ABCC8: variants seen among roughly 807,000 people sequenced by gnomAD.
The protein encoded by ABCC8 is ATP binding cassette subfamily C member 8.
ABCC8 carries 137 observed loss-of-function variants against 188.0 expected under a neutral mutation model. The ratio of observed to expected loss-of-function variants is 0.73; its 90% confidence interval spans 0.63 to 0.84. The LOEUF (loss-of-function observed/expected upper bound fraction) is 0.84, where lower values mean the gene tolerates loss of function less well. Among genes scored for constraint, ABCC8 ranks in the 40% least tolerant of loss-of-function variants. The pLI is 0.00. For synonymous variants in ABCC8, 797 were observed against 846.5 expected (o/e 0.94, Z 1.01); for missense variants, 1,750 against 2,072.7 (o/e 0.84, Z 3.02).
Position 17,416,636 on chromosome 11 carries a change from C to T in ABCC8, c.2255+294G>A, listed in dbSNP as rs192841196. Among the ~76,000 whole-genome samples, 9 of 152,258 alleles carry T rather than the reference C, an allele frequency of 5.9e-5. No individual in the cohort carries two copies. The East Asian group carries it at 9.7e-4, about 16-fold the overall frequency. On this transcript the variant is annotated intron_variant, in intron 17 of 38. Transcript: ENST00000389817. ...CTCTCTCCCACCAGACCCTGGCAAT[C>T]GCTAGTCTATTTTCTGACTCCATTC... is the stretch of plus-strand genomic sequence containing the variant.
intron 10 of ABCC8, 146 bp from the exon 11 acceptor site, chr11:17,432,390 C>T (rs1347548328): frequency 1.1e-5 from 17 of 1,482,042 alleles, no homozygotes; most frequent in Non-Finnish European, 1.5e-5. Flanking sequence ...AACTCTAGCC[C>T]TGTGGCACTT....
chr11:17,476,612 T>C lies in ABCC8; in HGVS notation c.148+17A>G. On this transcript the variant is annotated intron_variant, in intron 1 of 38. Transcript: ENST00000389817. ...GCTCTCCCGTCCCCTCCTCCGCGGCTCGCTGCGCGCACTCACCAATGAAGA... is the reference window on the plus strand; with the variant it reads ...GCTCTCCCGTCCCCTCCTCCGCGGCCCGCTGCGCGCACTCACCAATGAAGA... 1 of 1,609,362 alleles carries C rather than the reference T, an allele frequency of 6.2e-7. No homozygotes were observed. The highest frequency in any genetic ancestry group is 8.5e-7 in the Non-Finnish European group (1 of 1,178,112).
chr11:17,409,500 A>G (rs1303165367), intron 22 of ABCC8, among the ~76,000 whole-genome samples: 1 of 152,182 alleles, frequency 6.6e-6, no homozygotes, highest in African/African-American at 2.4e-5. Flanking sequence ...GTATCTGTAT[A>G]TATATTTAAA....
chr11:17,442,573 CAG>C, intron 10 of ABCC8, 145 bp downstream of exon 10: 1 of 795,788 alleles, frequency 1.3e-6, no homozygotes, highest in Non-Finnish European at 2.2e-6. Context: ...GCTTAGCTAT[CAG>C]AGCCAGTTTG....
chr11:17,443,630 A>C (rs1956410576), intron 8 of ABCC8, among the ~76,000 whole-genome samples: 1 of 152,172 alleles, frequency 6.6e-6, no homozygotes, highest in African/African-American at 2.4e-5. Context: ...AGATTGCACA[A>C]TGTTTGTGAC....
intron 7 of ABCC8, among the ~76,000 whole-genome samples, chr11:17,450,252 C>CTT (rs1413697829): frequency 2.3e-4 from 12 of 52,430 alleles, no homozygotes; most frequent in African/African-American, 9.4e-4. Flanking sequence ...CTTTTTCTTT[C>CTT]TTTCTTTCTC....
intron 7 of ABCC8, among the ~76,000 whole-genome samples, chr11:17,450,260 C>CTTTCTTTCTTTCTTTCTTTCTT (rs138135816): frequency 1.5e-5 from 1 of 67,664 alleles, no homozygotes; most frequent in African/African-American, 6.9e-5. Context: ...TTCTTTCTTT[C>CTTTCTTTCTTTCTTTCTTTCTT]TCTTTCTTTC....
chr11:17,423,057 CCT>C (rs1955417704), intron 16 of ABCC8, among the ~76,000 whole-genome samples: 1 of 151,966 alleles, frequency 6.6e-6, no homozygotes, highest in Non-Finnish European at 1.5e-5. Flanking sequence ...TCTTCTCTCC[CCT>C]CTCTTAAAAG....
At chr11:17,441,125 T>C (rs888663517) in intron 10 of ABCC8, among the ~76,000 whole-genome samples, 7 of 152,136 alleles carry the variant, frequency 4.6e-5, no homozygotes, top group African/African-American at 1.7e-4. Context: ...TAGCCTCTCT[T>C]AATTTCCTAC....
intron 2 of ABCC8, 35 bp downstream of exon 2, chr11:17,474,851 G>A (rs1848668612): frequency 6.2e-7 from 1 of 1,607,504 alleles, no homozygotes; most frequent in South Asian, 1.1e-5. Context: ...CCCTGGAGCA[G>A]ATTCACTTTC....
At chr11:17,440,654 A>C (rs1956278412) in intron 10 of ABCC8, among the ~76,000 whole-genome samples, 1 of 152,262 alleles carries the variant, frequency 6.6e-6, no homozygotes, top group Non-Finnish European at 1.5e-5. Flanking sequence ...GACTTTCTGC[A>C]TAAAACGCCA....
Position 17,411,052 on chromosome 11 carries a change from C to T in ABCC8, c.2557-399G>A, listed in dbSNP as rs1301057457. Among the ~76,000 whole-genome samples, 5 of 152,230 alleles carry T rather than the reference C, an allele frequency of 3.3e-5. No homozygotes were observed. The East Asian group carries it at 9.6e-4, about 29-fold the overall frequency. On this transcript the variant is annotated intron_variant, in intron 21 of 38. Transcript: ENST00000389817. Reference sequence around the variant, plus strand: ...CCAGGAAGCCTGCCGTCTGGGCCTTCTCCTGAGCTGTTCCTCTGCCTGGAG... The same window carrying T: ...CCAGGAAGCCTGCCGTCTGGGCCTTTTCCTGAGCTGTTCCTCTGCCTGGAG...
intron 1 of ABCC8, among the ~76,000 whole-genome samples, chr11:17,475,585 TG>T (rs1442763742): frequency 2.0e-5 from 3 of 152,224 alleles, no homozygotes; most frequent in Non-Finnish European, 4.4e-5. Context: ...ATAAACCGTT[TG>T]GCTGAGAACA....
rs373737642 is a variant in ABCC8 at position 17,397,056 on chromosome 11, G to A, written c.3989-10C>T. The A allele has an allele frequency of 2.1e-4, 335 of 1,614,128 alleles. 4 individuals are homozygous for A. The South Asian group carries it at 3.2e-3, about 16-fold the overall frequency. ...GGGATCAGCGATGGTGCTGGGGGCCGGGCTGGGCTCAGCCACCAGGCATGG... is the reference window on the plus strand; with the variant it reads ...GGGATCAGCGATGGTGCTGGGGGCCAGGCTGGGCTCAGCCACCAGGCATGG... On this transcript the variant is annotated splice_polypyrimidine_tract_variant and intron_variant, in intron 32 of 38. Coordinates refer to ENST00000389817, the MANE Select transcript of ABCC8 (RefSeq NM_000352.6).
At chr11:17,410,389 G>A (rs1954751497) in intron 22 of ABCC8, 127 bp downstream of exon 22, 2 of 1,085,176 alleles carry the variant, frequency 1.8e-6, no homozygotes, top group South Asian at 2.8e-5. Flanking sequence ...AAGCCATCCA[G>A]TGCTGGTCTC....
chr11:17,476,632 T>C lies in ABCC8; in HGVS notation c.145A>G (p.Ile49Val), dbSNP rs1554949196. The change falls in exon 1 of 39, where the codon ATT becomes GTT. Residue 49 changes from isoleucine (I) to valine (V), a missense_variant. By Grantham distance (29) the Ile-to-Val change is conservative. Coordinates refer to ENST00000389817, the MANE Select transcript of ABCC8 (RefSeq NM_000352.6). ...GCGGCTCGCTGCGCGCACTCACCAA[T>C]GAAGAGGATGGGGAAGGTGATGAAG... ...LLFITFPILF[I>V]GWGSQSSKVH... 6.2e-7 allele frequency: 1 copy of C among 1,611,770 alleles called. No individual in the cohort carries two copies. Among genetic ancestry groups the C allele is most frequent in the East Asian group, 2.2e-5 (1 of 44,768 alleles).
intron 11 of ABCC8, 153 bp from the exon 12 acceptor site, chr11:17,431,112 C>T: frequency 1.6e-6 from 2 of 1,259,426 alleles, no homozygotes; most frequent in Non-Finnish European, 1.1e-6. Flanking sequence ...ATCATCCCCA[C>T]AGTCATCTCA....
intron 3 of ABCC8, among the ~76,000 whole-genome samples, chr11:17,464,345 C>T (rs993851562): frequency 6.6e-5 from 10 of 152,154 alleles, no homozygotes; most frequent in East Asian, 5.8e-4. Flanking sequence ...ATGGGGGATA[C>T]GGAAAGAGCC....
intron 10 of ABCC8, among the ~76,000 whole-genome samples, chr11:17,441,449 T>A (rs1008134631): frequency 2.0e-5 from 3 of 152,192 alleles, no homozygotes; most frequent in Admixed American, 2.0e-4. Flanking sequence ...ATTCAAAAAT[T>A]CTCTCTTCAG....
Sources: allele counts gnomAD v4.1 joint callset (sites outside exome capture counted in the v4.1 genomes callset), GRCh38; gene constraint gnomAD v4.1.1; transcripts MANE v1.5; gene names NCBI Gene and HGNC (gene_info 2026-07-23, HGNC 2026-07-21).